ARMC2: variants seen among roughly 807,000 people sequenced by gnomAD.
The protein encoded by ARMC2 is armadillo repeat containing 2.
In ARMC2, 67 loss-of-function variants were observed where a neutral mutation model predicts 90.3. The ratio of observed to expected loss-of-function variants is 0.74; its 90% CI spans 0.61 to 0.91. The LOEUF is 0.91. Ranked by LOEUF, ARMC2 falls within the 40% of genes least tolerant of loss-of-function variation. The pLI is 0.00. For synonymous variants in ARMC2, 393 were observed against 393.0 expected, an observed-to-expected ratio of 1.00 and a Z score of 0.00; for missense variants, 920 against 1,030.9, an observed-to-expected ratio of 0.89 and a Z score of 1.47.
chr6:109,014,618 T>C, the ARMC2 span, among the ~76,000 whole-genome samples: 2 of 151,992 alleles, frequency 1.3e-5, no homozygotes, highest in African/African-American at 4.8e-5. Flanking sequence ...TCAGGGTGAG[T>C]TTTTTTGTTT....
chr6:108,883,553 A>G (rs1293869938), intron 5 of ARMC2, among the ~76,000 whole-genome samples: 1 of 152,220 alleles, frequency 6.6e-6, no homozygotes, highest in Non-Finnish European at 1.5e-5. Flanking sequence ...CATAATGGGG[A>G]ATAGATTTGT....
At chr6:109,007,062 G>C in the ARMC2 span, among the ~76,000 whole-genome samples, 1 of 152,106 alleles carries the variant, frequency 6.6e-6, no homozygotes, top group Non-Finnish European at 1.5e-5. Context: ...ATTAACATGA[G>C]AACAATCTTT....
the ARMC2 span, among the ~76,000 whole-genome samples, chr6:108,981,733 T>A: frequency 2.0e-5 from 3 of 152,062 alleles, no homozygotes; most frequent in Non-Finnish European, 4.4e-5. Context: ...AATGGCATGA[T>A]CTCGGCTCAC....
At chr6:108,942,715 T>G (rs1315684685) in intron 12 of ARMC2, among the ~76,000 whole-genome samples, 1 of 152,310 alleles carries the variant, frequency 6.6e-6, no homozygotes, top group South Asian at 2.1e-4. Context: ...GCCAAGTGAT[T>G]AGACAATCAG....
chr6:109,024,679 G>GA, the ARMC2 span, among the ~76,000 whole-genome samples: 1 of 152,292 alleles, frequency 6.6e-6, no homozygotes, highest in African/African-American at 2.4e-5. Flanking sequence ...AATGTGCTCA[G>GA]AATGCTGACA....
chr6:108,904,962 C>T (rs1772525950), intron 8 of ARMC2, among the ~76,000 whole-genome samples: 1 of 151,982 alleles, frequency 6.6e-6, no homozygotes, highest in South Asian at 2.1e-4. Flanking sequence ...GAAGAAAAGG[C>T]CAGACACCAA....
At chr6:108,998,653 A>G in the ARMC2 span, 1 of 1,613,990 alleles carries the variant, frequency 6.2e-7, no homozygotes, top group South Asian at 1.1e-5. Flanking sequence ...CTGATTCCAC[A>G]GCCGAATGTG....
At chr6:108,979,942 C>G in the ARMC2 span, among the ~76,000 whole-genome samples, 13 of 151,986 alleles carry the variant, frequency 8.6e-5, no homozygotes, top group Non-Finnish European at 1.9e-4. Flanking sequence ...GAACATGCTC[C>G]TTTAGCTCGG....
At chr6:108,998,953 G>A in the ARMC2 span, 1 of 446,568 alleles carries the variant, frequency 2.2e-6, no homozygotes, top group African/African-American at 2.0e-5. Flanking sequence ...AACATAATCT[G>A]TTAAGACATT....
At chr6:108,949,181 T>C (rs968094440) in intron 12 of ARMC2, among the ~76,000 whole-genome samples, 2 of 152,208 alleles carry the variant, frequency 1.3e-5, no homozygotes, top group Non-Finnish European at 2.9e-5. Flanking sequence ...TTGTTTAACA[T>C]GCTTTTATGG....
rs1778036532 is a variant in ARMC2 at position 108,962,048 on chromosome 6, T to G, written c.2073T>G (p.Asp691Glu). The change falls in exon 15 of 18, where the codon GAT (aspartate) becomes GAG (glutamate). Residue 691 changes from aspartate (D) to glutamate (E), a missense_variant. By Grantham distance (45) the Asp-to-Glu change is conservative. Transcript: ENST00000392644. ...LLKLLVSNNM[D>E]GILEAVRVFG... is the part of the protein sequence containing the mutation. Reference sequence around the variant, plus strand: ...AGCTTCTTGTCAGTAACAACATGGATGGAATCCTGGAGGCTGTGCGTGTTT... The same window carrying G: ...AGCTTCTTGTCAGTAACAACATGGAGGGAATCCTGGAGGCTGTGCGTGTTT... 1.2e-6 allele frequency: 2 copies of G among 1,613,396 alleles called. No individual in the cohort carries two copies. The highest frequency in any genetic ancestry group is 1.7e-6 in the Non-Finnish European group (2 of 1,179,682).
At chr6:108,965,371 C>CTTTT in intron 17 of ARMC2, among the ~76,000 whole-genome samples, 1 of 126,740 alleles carries the variant, frequency 7.9e-6, no homozygotes. Flanking sequence ...TCTTCTATGG[C>CTTTT]TTTTTTTTTT....
the ARMC2 span, among the ~76,000 whole-genome samples, chr6:109,013,060 G>A: frequency 6.6e-6 from 1 of 150,972 alleles, no homozygotes; most frequent in Non-Finnish European, 1.5e-5. Context: ...AGGTTGCGAT[G>A]AGCCAAGATC....
chr6:108,920,913 G>A (rs957817356), intron 10 of ARMC2, among the ~76,000 whole-genome samples: 1 of 152,124 alleles, frequency 6.6e-6, no homozygotes, highest in Non-Finnish European at 1.5e-5. Context: ...AAGTGAGGGC[G>A]GTGGATGGCC....
the ARMC2 span, chr6:108,992,981 T>C: frequency 1.2e-6 from 1 of 837,680 alleles, no homozygotes; most frequent in Non-Finnish European, 2.0e-6. Flanking sequence ...AAAAATGGCA[T>C]AACTCTTTCT....
chr6:108,949,488 A>G (rs555528830), intron 12 of ARMC2, among the ~76,000 whole-genome samples: 5 of 152,210 alleles, frequency 3.3e-5, no homozygotes, highest in Non-Finnish European at 7.4e-5. Flanking sequence ...ACTAGAATTC[A>G]TATAGTCTTT....
At chr6:108,869,435 G>A (rs1776159229) in intron 4 of ARMC2, among the ~76,000 whole-genome samples, 1 of 152,200 alleles carries the variant, frequency 6.6e-6, no homozygotes, top group Non-Finnish European at 1.5e-5. Flanking sequence ...TTGAAACCAG[G>A]AGGTGGAGGT....
chr6:108,965,266 A>G, intron 17 of ARMC2, 126 bp downstream of exon 17: 1 of 819,246 alleles, frequency 1.2e-6, no homozygotes, highest in African/African-American at 1.7e-5. Flanking sequence ...CAACAAGAGT[A>G]TGTTAAAGAT....
chr6:108,975,195 CCT>C (rs1381156976), downstream of ARMC2, among the ~76,000 whole-genome samples: 3 of 151,966 alleles, frequency 2.0e-5, no homozygotes, highest in East Asian at 5.8e-4. Flanking sequence ...GTGATGTTCC[CCT>C]CTGTGTGTCC....
Sources: gnomAD v4.1 joint callset for allele counts (sites outside exome capture counted in the v4.1 genomes callset) on GRCh38, gnomAD v4.1.1 for gene constraint, MANE v1.5 for transcripts, NCBI Gene and HGNC (gene_info 2026-07-23, HGNC 2026-07-21) for gene names.